PCDHA7: variants seen among roughly 807,000 people sequenced by gnomAD.
The protein encoded by PCDHA7 is protocadherin alpha-7.
PCDHA7 carries 37 observed loss-of-function variants against 57.2 expected under a neutral mutation model. The ratio of observed to expected loss-of-function variants is 0.65; its 90% CI spans 0.50 to 0.85. The LOEUF is 0.85. PCDHA7 is among the 40% of genes least tolerant of loss of function. The pLI is 0.00. For synonymous variants in PCDHA7, 553 were observed against 558.8 expected (o/e 0.99, Z 0.15); for missense variants, 1,188 against 1,241.8 (o/e 0.96, Z 0.65).
intron 1 of PCDHA7, chr5:140,870,432 G>T (rs368823990): frequency 4.3e-6 from 7 of 1,614,134 alleles, no homozygotes; most frequent in Non-Finnish European, 5.1e-6. Flanking sequence ...TATCCGTGGA[G>T]GTGGCCGACG....
intron 3 of PCDHA7, among the ~76,000 whole-genome samples, chr5:140,998,381 G>A (rs932010146): frequency 4.6e-5 from 7 of 152,144 alleles, no homozygotes; most frequent in Non-Finnish European, 2.9e-5. Flanking sequence ...TCTCTAGAAA[G>A]TTTAATGCCA....
At chr5:140,911,437 G>A (rs530362672) in intron 1 of PCDHA7, among the ~76,000 whole-genome samples, 3 of 152,166 alleles carry the variant, frequency 2.0e-5, no homozygotes, top group East Asian at 3.9e-4. Context: ...CCAATTTCCC[G>A]CAATTTCAGC....
At position 141,010,922 on chromosome 5, in the gene PCDHA7, A is replaced by G. The variant is rs1263879494; in HGVS notation, c.*985A>G. The G allele has an allele frequency of 5.2e-5, 8 of 153,814 alleles. No homozygotes were observed. Among genetic ancestry groups the G allele is most frequent in the African/African-American group, 1.9e-4 (8 of 41,474 alleles). The allele number at this position is 153,814 out of a possible 1,614,324, so 9.5% of individuals were successfully genotyped here. A position where few individuals can be genotyped will look rare whatever the true frequency, so the allele number is the denominator to read the frequency against. ...TTCCCCTAAACTCTCCTCAAAAGAG[A>G]ATTCAGTCTACAGCCATTTAAATGA... On this transcript the variant is annotated 3_prime_UTR_variant, in exon 4 of 4. Transcript: ENST00000525929.
chr5:140,858,262 G>A lies in PCDHA7; in HGVS notation c.2355+21524G>A. On this transcript the variant is annotated intron_variant, in intron 1 of 3. Coordinates refer to ENST00000525929, the MANE Select transcript of PCDHA7 (RefSeq NM_018910.3). Reference sequence around the variant, plus strand: ...GTGGGCCGGTGAAGCCCACGCTGGTGTGCTCTAGCGCGGTGGGGAGCTGGT... The same window carrying A: ...GTGGGCCGGTGAAGCCCACGCTGGTATGCTCTAGCGCGGTGGGGAGCTGGT... 2 of 1,597,236 alleles carry A rather than the reference G, an allele frequency of 1.3e-6. 1 individual carries two copies.
At chr5:140,861,610 A>T (rs1268305779) in intron 1 of PCDHA7, 1 of 355,772 alleles carries the variant, frequency 2.8e-6, no homozygotes. Context: ...AACAATAAAG[A>T]CAACCTGCCA....
chr5:140,938,807 A>G (rs1253557528), intron 1 of PCDHA7, among the ~76,000 whole-genome samples: 1 of 152,020 alleles, frequency 6.6e-6, no homozygotes, highest in Non-Finnish European at 1.5e-5. Context: ...GGTACCACAA[A>G]CCCCTGTGAC....
intron 1 of PCDHA7, among the ~76,000 whole-genome samples, chr5:140,838,141 T>G (rs1229796880): frequency 6.7e-6 from 1 of 149,692 alleles, no homozygotes; most frequent in African/African-American, 2.5e-5. Context: ...TTTGACAGAG[T>G]TTTACTCTGT....
At chr5:140,917,318 A>G (rs961734758) in intron 1 of PCDHA7, among the ~76,000 whole-genome samples, 1 of 99,850 alleles carries the variant, frequency 1.0e-5, no homozygotes, top group South Asian at 3.3e-4. Context: ...TTTGGTGTTC[A>G]TGTGGCGGGG....
In PCDHA7 at chr5:140,843,826, A is replaced by G. The variant is rs2150366949; in HGVS notation, c.2355+7088A>G. ...CGTATTTTATAGTGAAAATTTAAAC[A>G]TTGTTTAGTTTTTAGAAACCTTTTA... On this transcript the variant is annotated intron_variant, in intron 1 of 3. Coordinates refer to ENST00000525929, the MANE Select transcript of PCDHA7 (RefSeq NM_018910.3). 117 of 1,185,698 alleles carry G rather than the reference A, an allele frequency of 9.9e-5. 4 individuals carry two copies. The African/African-American group carries it at 1.7e-3, about 17-fold the overall frequency. 73.4% of individuals were successfully genotyped at this position (1,185,698 alleles called of 1,614,324 possible). A position where few individuals can be genotyped will look rare whatever the true frequency, so the allele number is the denominator to read the frequency against.
intron 1 of PCDHA7, among the ~76,000 whole-genome samples, chr5:140,837,390 T>C (rs2150275262): frequency 6.6e-6 from 1 of 152,134 alleles, no homozygotes; most frequent in East Asian, 1.9e-4. Context: ...TGTTCCTTGT[T>C]TGTATAAGAA....
At chr5:140,863,428 G>A (rs528139564) in intron 1 of PCDHA7, 7 of 657,564 alleles carry the variant, frequency 1.1e-5, no homozygotes, top group Non-Finnish European at 1.9e-5. Context: ...CAGCGTAGTG[G>A]GATCTGGTCT....
chr5:140,963,151 A>G (rs544176369), intron 1 of PCDHA7, among the ~76,000 whole-genome samples: 2 of 152,326 alleles, frequency 1.3e-5, no homozygotes, highest in South Asian at 4.1e-4. Context: ...ATGAATTTAA[A>G]AATGACACAT....
intron 1 of PCDHA7, among the ~76,000 whole-genome samples, chr5:140,880,283 A>G (rs1308508886): frequency 3.3e-5 from 5 of 152,250 alleles, no homozygotes; most frequent in African/African-American, 9.6e-5. Flanking sequence ...AAGTTTGACT[A>G]TCTTCATAGT....
chr5:140,870,253 G>A (rs782678686), intron 1 of PCDHA7: 2 of 1,614,196 alleles, frequency 1.2e-6, no homozygotes, highest in Non-Finnish European at 1.7e-6. Flanking sequence ...CAACGGACAG[G>A]TGACCTGCTC....
At chr5:140,975,160 T>G (rs2096656216) in intron 1 of PCDHA7, among the ~76,000 whole-genome samples, 1 of 152,194 alleles carries the variant, frequency 6.6e-6, no homozygotes, top group African/African-American at 2.4e-5. Flanking sequence ...CCTAGAGAAC[T>G]GAGGACTCAG....
intron 1 of PCDHA7, chr5:140,856,371 T>G: frequency 6.3e-7 from 1 of 1,598,432 alleles, no homozygotes; most frequent in South Asian, 1.1e-5. Flanking sequence ...CTGGAGGTGA[T>G]CGTGGACAGG....
At chr5:140,933,262 T>G (rs2088985963) in intron 1 of PCDHA7, among the ~76,000 whole-genome samples, 1 of 152,012 alleles carries the variant, frequency 6.6e-6, no homozygotes, top group South Asian at 2.1e-4. Flanking sequence ...AAAAGGTTAT[T>G]ATATATTCAT....
At chr5:140,864,890 G>T (rs1554159190) in intron 1 of PCDHA7, 1 of 152,170 alleles carries the variant, frequency 6.6e-6, no homozygotes, top group Non-Finnish European at 1.5e-5. Context: ...TCATTAAGCT[G>T]CATGGTCTTC....
At chr5:140,866,293 T>TAG (rs2049266972) in intron 1 of PCDHA7, 1 of 152,272 alleles carries the variant, frequency 6.6e-6, no homozygotes, top group East Asian at 1.9e-4. Context: ...GGGACAAGTA[T>TAG]AGATGTTGAT....
Sources: gnomAD v4.1 joint callset for allele counts (sites outside exome capture counted in the v4.1 genomes callset) on GRCh38, gnomAD v4.1.1 for gene constraint, MANE v1.5 for transcripts, NCBI Gene and HGNC (gene_info 2026-07-23, HGNC 2026-07-21) for gene names.